The following PPA2 variants were observed in gnomAD, a reference collection of about 807,000 sequenced individuals.
The protein encoded by PPA2 is inorganic pyrophosphatase 2, also known as inorganic pyrophosphatase 2, mitochondrial.
In PPA2, 48 loss-of-function variants were observed where a neutral mutation model predicts 49.5. That is an observed-to-expected ratio of 0.97 (90% CI 0.77 to 1.23). The LOEUF (loss-of-function observed/expected upper bound fraction) is 1.23. Ranked by LOEUF, PPA2 falls within the 50% of genes most tolerant of loss-of-function variation. PPA2 has a pLI of 0.00. For synonymous variants in PPA2, 131 were observed against 139.9 expected (o/e 0.94, Z 0.45); for missense variants, 429 against 410.1 (o/e 1.05, Z -0.40).
At chr4:105,472,099 A>G (rs932091436) in intron 1 of PPA2, among the ~76,000 whole-genome samples, 1 of 152,192 alleles carries the variant, frequency 6.6e-6, no homozygotes, top group Non-Finnish European at 1.5e-5. Context: ...TATTCATCCA[A>G]TGCCTTCAGG....
chr4:105,466,647 G>GCTTTA (rs1321245306), intron 1 of PPA2, among the ~76,000 whole-genome samples: 1 of 152,132 alleles, frequency 6.6e-6, no homozygotes, highest in African/African-American at 2.4e-5. Flanking sequence ...AGGAACAAAG[G>GCTTTA]GAAGGAAGGT....
intron 3 of PPA2, among the ~76,000 whole-genome samples, chr4:105,451,691 G>A (rs964780663): frequency 6.6e-6 from 1 of 152,150 alleles, no homozygotes; most frequent in African/African-American, 2.4e-5. Flanking sequence ...GGTGACAATC[G>A]TTTTACACAA....
At chr4:105,397,880 C>T (rs369415770) in intron 8 of PPA2, among the ~76,000 whole-genome samples, 1 of 152,126 alleles carries the variant, frequency 6.6e-6, no homozygotes, top group African/African-American at 2.4e-5. Flanking sequence ...TCTGGTATAG[C>T]CTGTAGGACT....
intron 10 of PPA2, among the ~76,000 whole-genome samples, chr4:105,380,109 G>A (rs1733426665): frequency 6.6e-6 from 1 of 152,100 alleles, no homozygotes; most frequent in South Asian, 2.1e-4. Flanking sequence ...AGAACCTTCA[G>A]TACAATGCTG....
chr4:105,389,974 A>G (rs1733847116), intron 9 of PPA2, among the ~76,000 whole-genome samples: 1 of 152,178 alleles, frequency 6.6e-6, no homozygotes, highest in South Asian at 2.1e-4. Flanking sequence ...CAAAACAGAC[A>G]TATAGATCAA....
Position 105,425,762 on chromosome 4 carries a change from A to ACACACC in PPA2, c.529-1441_529-1440insGGTGTG, listed in dbSNP as rs1367711764. Among the ~76,000 whole-genome samples, 316 of 140,016 alleles carry ACACACC rather than the reference A, an allele frequency of 2.3e-3. 1 individual carries two copies. Among genetic ancestry groups the ACACACC allele is most frequent in the African/African-American group, 9.2e-3 (291 of 31,648 alleles). 91.9% of individuals were successfully genotyped at this position (140,016 alleles called of 152,430 possible). A position where few individuals can be genotyped will look rare whatever the true frequency, so the allele number is the denominator to read the frequency against. ...CACACACACACACACACACACACAC[A>ACACACC]CCCATCAGAATAAACAAACAAACAA... On this transcript the variant is annotated intron_variant, in intron 6 of 11. Coordinates refer to ENST00000341695, the MANE Select transcript of PPA2 (RefSeq NM_176869.3).
chr4:105,460,060 ATAAG>A (rs1056202104), intron 1 of PPA2, among the ~76,000 whole-genome samples: 1 of 152,264 alleles, frequency 6.6e-6, no homozygotes, highest in Admixed American at 6.5e-5. Context: ...AATTTTAAAA[ATAAG>A]TAAATATGGA....
chr4:105,397,516 G>A (rs1734196298), intron 8 of PPA2, among the ~76,000 whole-genome samples: 1 of 152,170 alleles, frequency 6.6e-6, no homozygotes, highest in Non-Finnish European at 1.5e-5. Flanking sequence ...TTCCAACCAT[G>A]TTAAAGAGGC....
chr4:105,400,370 G>A (rs1385608218), intron 7 of PPA2, among the ~76,000 whole-genome samples: 1 of 152,132 alleles, frequency 6.6e-6, no homozygotes, highest in Non-Finnish European at 1.5e-5. Context: ...TCTAGGCCAG[G>A]TGTGGTGGCT....
intron 6 of PPA2, among the ~76,000 whole-genome samples, chr4:105,431,192 C>A (rs1723783223): frequency 6.6e-6 from 1 of 152,038 alleles, no homozygotes; most frequent in Non-Finnish European, 1.5e-5. Context: ...GTAATTATAT[C>A]AAAAATCATC....
intron 7 of PPA2, 108 bp downstream of exon 7, chr4:105,424,088 T>A: frequency 8.5e-7 from 1 of 1,170,944 alleles, no homozygotes; most frequent in South Asian, 1.4e-5. Flanking sequence ...TTTTCCTCTC[T>A]CTTTTTTAAA....
chr4:105,450,959 C>T (rs1214338533), intron 3 of PPA2, among the ~76,000 whole-genome samples: 2 of 152,224 alleles, frequency 1.3e-5, no homozygotes, highest in South Asian at 2.1e-4. Flanking sequence ...TATCTGTTTA[C>T]AACCAATTAG....
intron 10 of PPA2, among the ~76,000 whole-genome samples, chr4:105,375,880 C>A (rs536848774): frequency 3.9e-5 from 6 of 152,290 alleles, no homozygotes; most frequent in African/African-American, 1.4e-4. Context: ...CTGGTCATTA[C>A]TTCTCCTACT....
At chr4:105,453,482 A>G (rs1262720912) in intron 3 of PPA2, 116 bp downstream of exon 3, 11 of 702,634 alleles carry the variant, frequency 1.6e-5, no homozygotes, top group Non-Finnish European at 2.4e-5. Flanking sequence ...CGGAATGCAC[A>G]TGAAAGTCTT....
At chr4:105,411,555 C>T (rs1248053667) in intron 7 of PPA2, among the ~76,000 whole-genome samples, 1 of 152,204 alleles carries the variant, frequency 6.6e-6, no homozygotes, top group Non-Finnish European at 1.5e-5. Context: ...TCTCTCACCA[C>T]TCCTATTCAA....
intron 8 of PPA2, 53 bp downstream of exon 8, chr4:105,398,984 A>G (rs932331692): frequency 1.0e-4 from 159 of 1,561,528 alleles, no homozygotes; most frequent in Non-Finnish European, 9.7e-5. Flanking sequence ...AGTGAAACGA[A>G]TATTGTACAG....
rs187966346 is a variant in PPA2, at chr4:105,398,143, A to C, written c.783+894T>G. ...TGACTTGGCAGACTTACCCTGAGGC[A>C]AAAATACCATATAGGTTTAAAATTT... On this transcript the variant is annotated intron_variant, in intron 8 of 11. Transcript: ENST00000341695. 5.5e-3 allele frequency among the ~76,000 whole-genome samples: 843 copies of C among 152,278 alleles called. 6 individuals are homozygous for C. The highest frequency in any genetic ancestry group is 8.0e-3 in the Non-Finnish European group (542 of 68,020).
At chr4:105,401,906 C>T (rs1157135046) in intron 7 of PPA2, among the ~76,000 whole-genome samples, 1 of 152,128 alleles carries the variant, frequency 6.6e-6, no homozygotes, top group African/African-American at 2.4e-5. Context: ...CTTCTATTTC[C>T]ATCAGTTAAG....
At chr4:105,394,880 G>A (rs1211188297) in intron 9 of PPA2, among the ~76,000 whole-genome samples, 1 of 152,084 alleles carries the variant, frequency 6.6e-6, no homozygotes, top group Non-Finnish European at 1.5e-5. Flanking sequence ...TATTTCCTCA[G>A]ACAATCACAG....
Sources: gnomAD v4.1 joint callset for allele counts (sites outside exome capture counted in the v4.1 genomes callset) on GRCh38, gnomAD v4.1.1 for gene constraint, MANE v1.5 for transcripts, NCBI Gene and HGNC (gene_info 2026-07-23, HGNC 2026-07-21) for gene names.